Variants in FGF12 observed in about 807,000 individuals in gnomAD.
The protein encoded by FGF12 is fibroblast growth factor 12, also known as fibroblast growth factor 12B.
FGF12 carries 14 observed loss-of-function variants against 23.6 expected under a neutral mutation model. That is an observed-to-expected ratio of 0.59 (90% CI 0.39 to 0.93). The LOEUF is 0.93. FGF12 is among the 40% of genes least tolerant of loss of function. The probability of loss-of-function intolerance (pLI) is 0.00; values close to 1 mark genes in which losing one functional copy is unlikely to be tolerated. For synonymous variants in FGF12, 62 were observed against 77.3 expected, an observed-to-expected ratio of 0.80 and a Z score of 1.04; for missense variants, 175 against 217.8, an observed-to-expected ratio of 0.80 and a Z score of 1.24.
intron 4 of FGF12, among the ~76,000 whole-genome samples, chr3:192,206,992 G>T (rs544102784): frequency 5.9e-5 from 9 of 152,202 alleles, no homozygotes; most frequent in African/African-American, 2.2e-4. Context: ...TCATGTATTA[G>T]ACATCAGTCG....
Position 192,629,504 on chromosome 3 carries a change from T to C in FGF12, c.13+97677A>G, listed in dbSNP as rs556806729. The stretch of plus-strand genomic sequence containing the variant: ...AACTTCTGCATCTGCAAAAATGGGC[T>C]CAGAAGTCAGATGAAAACAGATTCT... On this transcript the variant is annotated intron_variant, in intron 2 of 5. Transcript: ENST00000445105. Among the ~76,000 whole-genome samples, 5 of 152,350 alleles carry C rather than the reference T, an allele frequency of 3.3e-5. No homozygotes were observed. In the East Asian group the frequency reaches 9.6e-4, roughly 29 times the overall value.
intron 2 of FGF12, among the ~76,000 whole-genome samples, chr3:192,558,460 T>C (rs1405814644): frequency 6.6e-6 from 1 of 151,886 alleles, no homozygotes; most frequent in East Asian, 1.9e-4. Context: ...GGACATCCCA[T>C]GTTCACAGAT....
intron 2 of FGF12, among the ~76,000 whole-genome samples, chr3:192,677,910 T>C (rs1717386441): frequency 6.6e-6 from 1 of 152,216 alleles, no homozygotes; most frequent in African/African-American, 2.4e-5. Context: ...CCAGATTAAG[T>C]CCTGGCACTA....
intron 3 of FGF12, among the ~76,000 whole-genome samples, chr3:192,357,379 G>A (rs1718520274): frequency 6.6e-6 from 1 of 151,942 alleles, no homozygotes; most frequent in South Asian, 2.1e-4. Flanking sequence ...CAACTTGGGA[G>A]GCTGAGGCAG....
At chr3:192,699,473 C>G (rs138006674) in intron 2 of FGF12, among the ~76,000 whole-genome samples, 4 of 152,202 alleles carry the variant, frequency 2.6e-5, no homozygotes, top group East Asian at 1.9e-4. Flanking sequence ...AATATATCCA[C>G]GCCTACACGC....
At chr3:192,683,161 T>C (rs1347690401) in intron 2 of FGF12, among the ~76,000 whole-genome samples, 2 of 152,184 alleles carry the variant, frequency 1.3e-5, no homozygotes, top group South Asian at 2.1e-4. Flanking sequence ...TCCAAATTTG[T>C]ATTCAGTTGG....
chr3:192,547,907 A>G (rs79326566), intron 2 of FGF12, among the ~76,000 whole-genome samples: 1,525 of 152,264 alleles, frequency 0.01, 18 homozygotes, highest in African/African-American at 0.034. Context: ...CTGTTCCCTT[A>G]CAAATGCTTC....
intron 2 of FGF12, among the ~76,000 whole-genome samples, chr3:192,419,724 T>C (rs1342716726): frequency 2.6e-5 from 4 of 152,114 alleles, no homozygotes; most frequent in Admixed American, 6.5e-5. Context: ...TAAGGAATCA[T>C]GAATCAACAA....
intron 4 of FGF12, among the ~76,000 whole-genome samples, chr3:192,274,466 A>C (rs1267904277): frequency 6.6e-6 from 1 of 152,224 alleles, no homozygotes; most frequent in Non-Finnish European, 1.5e-5. Context: ...GAAGATACAT[A>C]GTAATAAAAA....
chr3:192,190,337 T>A (rs1716710594), intron 4 of FGF12, among the ~76,000 whole-genome samples: 1 of 152,126 alleles, frequency 6.6e-6, no homozygotes, highest in African/African-American at 2.4e-5. Flanking sequence ...ATTAATTCAT[T>A]GAAAATATTT....
chr3:192,234,579 T>C (rs1719185214), intron 4 of FGF12, among the ~76,000 whole-genome samples: 1 of 152,190 alleles, frequency 6.6e-6, no homozygotes, highest in African/African-American at 2.4e-5. Context: ...CAATGTTGAA[T>C]AGGAGTGGTG....
At chr3:192,724,760 C>A (rs563907635) in intron 2 of FGF12, among the ~76,000 whole-genome samples, 1 of 152,254 alleles carries the variant, frequency 6.6e-6, no homozygotes, top group South Asian at 2.1e-4. Flanking sequence ...TTGTAAATAG[C>A]TGAAGTTCAA....
At position 192,460,685 on chromosome 3, in the gene FGF12, TA is replaced by T. The variant is rs1553816443; in HGVS notation, c.14-100148del. Among the ~76,000 whole-genome samples, 180 of 122,954 alleles carry T rather than the reference TA, an allele frequency of 1.5e-3. 2 individuals are homozygous for T. Among genetic ancestry groups the T allele is most frequent in the African/African-American group, 8.1e-3 (154 of 19,036 alleles). 80.7% of individuals were successfully genotyped at this position (122,954 alleles called of 152,430 possible). A position where few individuals can be genotyped will look rare whatever the true frequency, so the allele number is the denominator to read the frequency against. On this transcript the variant is annotated intron_variant, in intron 2 of 5. Coordinates refer to ENST00000445105, the MANE Select transcript of FGF12 (RefSeq NM_004113.6). The stretch of plus-strand genomic sequence containing the variant: ...ATACACACACACACACATATATTTA[TA>T]TATATATATATATATATATCCACTT...
intron 2 of FGF12, among the ~76,000 whole-genome samples, chr3:192,527,503 G>T (rs1724973777): frequency 6.6e-6 from 1 of 152,116 alleles, no homozygotes; most frequent in African/African-American, 2.4e-5. Flanking sequence ...GGATCAGAAA[G>T]ATCTGTTTTC....
intron 2 of FGF12, among the ~76,000 whole-genome samples, chr3:192,512,841 T>TATATATATATATATATATATATATAC (rs1560135293): frequency 3.7e-4 from 44 of 119,376 alleles, no homozygotes; most frequent in African/African-American, 1.3e-3. Flanking sequence ...AATAAATATA[T>TATATATATATATATATATATATATAC]ATATATATAT....
At chr3:192,156,625 C>CCTGCAAGA (rs1714439532) in intron 5 of FGF12, among the ~76,000 whole-genome samples, 1 of 152,096 alleles carries the variant, frequency 6.6e-6, no homozygotes, top group African/African-American at 2.4e-5. Context: ...TTTCATCTGG[C>CCTGCAAGA]TTTTCTGGGT....
rs931116353 is a variant in FGF12 at position 192,473,152 on chromosome 3, A to C, written c.14-112614T>G. ...TCTTAGGTTGTGTTCAATTTATGGA[A>C]AAATGTTTGATTGAAACAGGAAATA... is the stretch of plus-strand genomic sequence containing the variant. On this transcript the variant is annotated intron_variant, in intron 2 of 5. Transcript: ENST00000445105. Among the ~76,000 whole-genome samples, 23 of 152,222 alleles carry C rather than the reference A, an allele frequency of 1.5e-4. No individual in the cohort carries two copies. In the East Asian group the frequency reaches 4.0e-3, roughly 27 times the overall value.
intron 2 of FGF12, among the ~76,000 whole-genome samples, chr3:192,630,332 T>C (rs1715336016): frequency 6.6e-6 from 1 of 152,126 alleles, no homozygotes; most frequent in Admixed American, 6.5e-5. Context: ...GGTATTTCTT[T>C]ATAGCAATGC....
At chr3:192,364,626 T>C (rs749761559) in intron 2 of FGF12, among the ~76,000 whole-genome samples, 8 of 152,158 alleles carry the variant, frequency 5.3e-5, no homozygotes, top group Non-Finnish European at 1.2e-4. Context: ...TCCTCCACAC[T>C]CTCTTTTCCT....
Sources: allele counts gnomAD v4.1 joint callset (sites outside exome capture counted in the v4.1 genomes callset), GRCh38; gene constraint gnomAD v4.1.1; transcripts MANE v1.5; gene names NCBI Gene and HGNC (gene_info 2026-07-23, HGNC 2026-07-21).